CNTN4: variants seen among roughly 807,000 people sequenced by gnomAD.
The protein encoded by CNTN4 is contactin 4.
Under a neutral mutation model 122.5 loss-of-function variants are expected in CNTN4, and 77 were observed. The ratio of observed to expected loss-of-function variants is 0.63; its 90% CI spans 0.52 to 0.76. The LOEUF (loss-of-function observed/expected upper bound fraction) is 0.76, where lower values mean the gene tolerates loss of function less well. Ranked by LOEUF, CNTN4 falls within the 30% of genes least tolerant of loss-of-function variation. The probability of loss-of-function intolerance (pLI) is 0.00; values close to 1 mark genes in which losing one functional copy is unlikely to be tolerated. For synonymous variants in CNTN4, 512 were observed against 447.0 expected (o/e 1.15, Z -1.83); for missense variants, 1,256 against 1,259.1 (o/e 1.00, Z 0.04).
At chr3:2,292,778 A>T (rs1021130079) in intron 2 of CNTN4, among the ~76,000 whole-genome samples, 8 of 152,194 alleles carry the variant, frequency 5.3e-5, no homozygotes, top group Admixed American at 5.2e-4. Flanking sequence ...TATTCTACAG[A>T]TGAATATATC....
At chr3:2,472,132 A>G (rs2075703431) in intron 3 of CNTN4, among the ~76,000 whole-genome samples, 1 of 151,066 alleles carries the variant, frequency 6.6e-6, no homozygotes, top group Admixed American at 6.6e-5. Flanking sequence ...GGAGAATTGC[A>G]ACAAGAGCGA....
At chr3:2,653,202 G>A (rs1006333837) in intron 4 of CNTN4, among the ~76,000 whole-genome samples, 1 of 152,012 alleles carries the variant, frequency 6.6e-6, no homozygotes, top group East Asian at 1.9e-4. Context: ...TTTAAAAATT[G>A]TAAAAAAAGC....
At chr3:3,001,034 C>CGG (rs1695988568) in intron 14 of CNTN4, among the ~76,000 whole-genome samples, 1 of 152,078 alleles carries the variant, frequency 6.6e-6, no homozygotes, top group African/African-American at 2.4e-5. Context: ...TCTATTTAAT[C>CGG]ATATGTTGGG....
intron 3 of CNTN4, among the ~76,000 whole-genome samples, chr3:2,430,407 G>A (rs1438823882): frequency 1.4e-5 from 2 of 142,298 alleles, no homozygotes; most frequent in African/African-American, 2.7e-5. Flanking sequence ...GGGTGACAGA[G>A]CAAGACTCTT....
chr3:2,463,561 A>G (rs780666146), intron 3 of CNTN4, among the ~76,000 whole-genome samples: 1 of 152,128 alleles, frequency 6.6e-6, no homozygotes, highest in Non-Finnish European at 1.5e-5. Flanking sequence ...GGAGTTCGAG[A>G]CCAGCCTGGG....
chr3:3,018,753 T>A (rs149015375), intron 14 of CNTN4, among the ~76,000 whole-genome samples: 151 of 152,276 alleles, frequency 9.9e-4, no homozygotes, highest in African/African-American at 3.4e-3. Flanking sequence ...TGACCCTCAG[T>A]AACAATGAGC....
At chr3:2,881,252 C>A (rs563595799) in intron 8 of CNTN4, among the ~76,000 whole-genome samples, 274 of 152,246 alleles carry the variant, frequency 1.8e-3, no homozygotes, top group African/African-American at 6.3e-3. Flanking sequence ...GTGGCTCATG[C>A]CTGTAATCCC....
At chr3:2,567,307 T>C (rs2079212912) in intron 3 of CNTN4, among the ~76,000 whole-genome samples, 1 of 152,074 alleles carries the variant, frequency 6.6e-6, no homozygotes, top group African/African-American at 2.4e-5. Flanking sequence ...AGGATGGTCT[T>C]GATCTCATGA....
At chr3:2,553,569 A>C (rs1298458809) in intron 3 of CNTN4, among the ~76,000 whole-genome samples, 2 of 152,154 alleles carry the variant, frequency 1.3e-5, no homozygotes, top group South Asian at 2.1e-4. Flanking sequence ...TAAGGGATCA[A>C]ATGTCAAATA....
At chr3:2,352,080 T>C (rs1271715549) in intron 3 of CNTN4, among the ~76,000 whole-genome samples, 1 of 152,170 alleles carries the variant, frequency 6.6e-6, no homozygotes, top group African/African-American at 2.4e-5. Context: ...CAATTATGAT[T>C]TATCAATTCA....
At chr3:2,670,375 T>C (rs1215618424) in intron 4 of CNTN4, among the ~76,000 whole-genome samples, 1 of 152,216 alleles carries the variant, frequency 6.6e-6, no homozygotes, top group African/African-American at 2.4e-5. Context: ...TTGATCTTTG[T>C]TGGTTTAAAG....
intron 6 of CNTN4, among the ~76,000 whole-genome samples, chr3:2,757,215 G>T (rs189568477): frequency 1.4e-4 from 21 of 152,214 alleles, no homozygotes; most frequent in Middle Eastern, 3.4e-3. Flanking sequence ...ATGAAATGGG[G>T]ACTGCAAAAA....
At chr3:2,099,233 C>A (rs2125068288) in intron 1 of CNTN4, 1 of 152,418 alleles carries the variant, frequency 6.6e-6, no homozygotes, top group Non-Finnish European at 1.5e-5. Context: ...GCCCCGACGA[C>A]GCCACCGTCA....
At chr3:2,701,399 G>A (rs2086349890) in intron 4 of CNTN4, among the ~76,000 whole-genome samples, 1 of 152,206 alleles carries the variant, frequency 6.6e-6, no homozygotes, top group African/African-American at 2.4e-5. Flanking sequence ...ACATAAGTGA[G>A]GATAACAGCA....
chr3:2,937,368 A>G (rs2094576084), intron 13 of CNTN4, among the ~76,000 whole-genome samples: 1 of 152,170 alleles, frequency 6.6e-6, no homozygotes, highest in Admixed American at 6.5e-5. Flanking sequence ...GGAGCTTTAA[A>G]TGTGAAGACA....
At chr3:2,855,950 TA>T (rs2093613711) in intron 7 of CNTN4, among the ~76,000 whole-genome samples, 1 of 152,222 alleles carries the variant, frequency 6.6e-6, no homozygotes, top group African/African-American at 2.4e-5. Flanking sequence ...TTTTTGTTGT[TA>T]TTTTTTCCCT....
chr3:3,039,764 A>T (rs142077150), intron 19 of CNTN4: 112 of 422,654 alleles, frequency 2.6e-4, no homozygotes, highest in African/African-American at 2.0e-3. Context: ...TTTTTTTTAC[A>T]ATCATTTCCA....
chr3:2,665,013 C>T lies in CNTN4; in HGVS notation c.56-71202C>T, dbSNP rs191598505. Among the ~76,000 whole-genome samples the T allele has an allele frequency of 5.5e-4, 83 of 152,292 alleles. 1 individual carries two copies. Among genetic ancestry groups the T allele is most frequent in the Non-Finnish European group, 1.1e-3 (72 of 68,024 alleles). Reference sequence around the variant, plus strand: ...TGAAATACCAATAACAACCATTCTTCACTCTAACATCAAAACAAGGGCTCT... The same window carrying T: ...TGAAATACCAATAACAACCATTCTTTACTCTAACATCAAAACAAGGGCTCT... On this transcript the variant is annotated intron_variant, in intron 4 of 24. Transcript: ENST00000418658.
chr3:2,250,345 C>T (rs141084550), intron 2 of CNTN4, among the ~76,000 whole-genome samples: 269 of 151,896 alleles, frequency 1.8e-3, no homozygotes, highest in Admixed American at 2.8e-3. Flanking sequence ...GTTTCTCCTA[C>T]GAAGAGCAGA....
Sources: allele counts gnomAD v4.1 joint callset (sites outside exome capture counted in the v4.1 genomes callset), GRCh38; gene constraint gnomAD v4.1.1; transcripts MANE v1.5; gene names NCBI Gene and HGNC (gene_info 2026-07-23, HGNC 2026-07-21).